The following CLBA1 variants were observed in gnomAD, a reference collection of about 807,000 sequenced individuals.
The protein encoded by CLBA1 is uncharacterized protein CLBA1.
Under a neutral mutation model 28.8 loss-of-function variants are expected in CLBA1, and 30 were observed. The observed-to-expected ratio is 1.04, with a 90% CI of 0.78 to 1.41. CLBA1 has a LOEUF of 1.41. Ranked by LOEUF, CLBA1 falls within the 40% of genes most tolerant of loss-of-function variation. The probability of loss-of-function intolerance (pLI) is 0.00; values close to 1 mark genes in which losing one functional copy is unlikely to be tolerated. For missense variants in CLBA1, 451 were observed against 412.3 expected, an observed-to-expected ratio of 1.09 and a Z score of -0.81; for synonymous variants, 160 against 152.8, an observed-to-expected ratio of 1.05 and a Z score of -0.35.
At chr14:104,999,862 TAA>T (rs1900233236), downstream of CLBA1, among the ~76,000 whole-genome samples, 1 of 152,126 alleles carries the variant, frequency 6.6e-6, no homozygotes, top group African/African-American at 2.4e-5. Flanking sequence ...CAAAACCACC[TAA>T]GATTTCATGT....
chr14:104,997,030 G>A (rs531116651), downstream of CLBA1, among the ~76,000 whole-genome samples: 21 of 152,328 alleles, frequency 1.4e-4, no homozygotes, highest in African/African-American at 1.2e-4. Flanking sequence ...GCAAGAAAAC[G>A]TGAGCCACAG....
chr14:104,989,719 C>T (rs990455480), intron 2 of CLBA1: 22 of 455,866 alleles, frequency 4.8e-5, no homozygotes, highest in African/African-American at 4.2e-4. Flanking sequence ...TAAGTTGGCC[C>T]AAGGCCCCAG....
In CLBA1 at chr14:104,994,867, A is replaced by T. The variant is rs985972104; in HGVS notation, c.*108A>T. The T allele has an allele frequency of 6.1e-6, 9 of 1,473,154 alleles. No individual in the cohort carries two copies. In the South Asian group the frequency reaches 8.4e-5, roughly 14 times the overall value. 91.3% of individuals were successfully genotyped at this position (1,473,154 alleles called of 1,614,324 possible). A position where few individuals can be genotyped will look rare whatever the true frequency, so the allele number is the denominator to read the frequency against. On this transcript the variant is annotated 3_prime_UTR_variant, in exon 5 of 5. Transcript: ENST00000547315. The stretch of plus-strand genomic sequence containing the variant: ...GAGCTGTTTTCCAGACCCCAGGCCC[A>T]TTCCTGGGATCTCTCCAACAGGACC...
In CLBA1 at chr14:104,987,606, C is replaced by CTTTTTTTTT. The variant is rs869117577; in HGVS notation, c.423+775_423+783dup. ...GGCTGGCCTGTTTTCTCTTCCTTTT[C>CTTTTTTTTT]TTTTTTTTTTTTTTTTTTTTTTTTT... On this transcript the variant is annotated intron_variant, in intron 1 of 4. Coordinates refer to ENST00000547315, the MANE Select transcript of CLBA1 (RefSeq NM_174891.4). Among the ~76,000 whole-genome samples the CTTTTTTTTT allele has an allele frequency of 2.7e-3, 165 of 60,014 alleles. 15 individuals are homozygous for CTTTTTTTTT. The highest frequency in any genetic ancestry group is 7.3e-3 in the South Asian group (8 of 1,098). 39.4% of individuals were successfully genotyped at this position (60,014 alleles called of 152,430 possible).
downstream of CLBA1, among the ~76,000 whole-genome samples, chr14:105,000,072 GA>G: frequency 6.6e-6 from 1 of 152,244 alleles, no homozygotes; most frequent in South Asian, 2.1e-4. Flanking sequence ...AGACAACTTC[GA>G]ATAACACACA....
chr14:104,987,657 G>A (rs1209254245), intron 1 of CLBA1, among the ~76,000 whole-genome samples: 1 of 111,646 alleles, frequency 9.0e-6, no homozygotes, highest in Non-Finnish European at 1.6e-5. Context: ...TCACTCTGTC[G>A]CTGAGGCTGG....
chr14:104,991,265 C>A, intron 2 of CLBA1: 1 of 396,894 alleles, frequency 2.5e-6, no homozygotes, highest in South Asian at 2.3e-5. Flanking sequence ...ACCTCCTGAT[C>A]TGTCAGCCTC....
chr14:104,985,884 T>TGCGGGGCCCGGGCACGGGCCCAGGACAC lies in CLBA1; in HGVS notation c.-542_-541insCCCGGGCACGGGCCCAGGACACGCGGGG. On this transcript the variant is annotated 5_prime_UTR_variant, in exon 1 of 5. Coordinates refer to ENST00000547315, the MANE Select transcript of CLBA1 (RefSeq NM_174891.4). ...CCGCCGAGGCGGCGACCAAGGTGGGTGCGGGGACTCTCGGGAGCCGTGGGC... is the reference window on the plus strand; with the variant it reads ...CCGCCGAGGCGGCGACCAAGGTGGGTGCGGGGCCCGGGCACGGGCCCAGGACACGCGGGGACTCTCGGGAGCCGTGGGC... 1 of 223,078 alleles carries TGCGGGGCCCGGGCACGGGCCCAGGACAC rather than the reference T, an allele frequency of 4.5e-6. No homozygotes were observed. The highest frequency in any genetic ancestry group is 9.5e-6 in the Non-Finnish European group (1 of 105,458). 13.8% of individuals were successfully genotyped at this position (223,078 alleles called of 1,614,324 possible).
rs762855794 is a variant in CLBA1, at chr14:104,986,389, G to A, written c.-43G>A. The A allele has an allele frequency of 5.0e-6, 8 of 1,591,676 alleles. No individual in the cohort carries two copies. In the African/African-American group the frequency reaches 9.4e-5, roughly 19 times the overall value. ...CAGCACCCCGGCGTGCATGTCTCCTGAGCAGCTGCCCATCGGGCCTCTGCT... is the reference window on the plus strand; with the variant it reads ...CAGCACCCCGGCGTGCATGTCTCCTAAGCAGCTGCCCATCGGGCCTCTGCT... On this transcript the variant is annotated 5_prime_UTR_variant, in exon 1 of 5. Transcript: ENST00000547315.
At chr14:104,991,388 G>T in intron 2 of CLBA1, 103 bp from the exon 3 acceptor site, 254 of 1,401,646 alleles carry the variant, frequency 1.8e-4, no homozygotes, top group Admixed American at 1.1e-3. Context: ...GTCTCGGCTT[G>T]CGGGTAAAGG....
rs528731765 is a variant in CLBA1, at chr14:104,991,511, G to A, written c.590G>A (p.Trp197Ter). The part of the protein sequence containing the change: ...HKLCNESRKL[W>*]RALQSIHTTS... ...TCCAGTAACGAATCCAGAAAACTCT[G>A]GAGAGCCCTTCAGAGCATACACACC... Residue 197 changes from tryptophan (W) to a stop codon, truncating the protein, a stop_gained, in exon 3 of 5, where the codon TGG becomes TAG. Transcript: ENST00000547315. LOFTEE classifies it high-confidence loss of function. 20 of 1,614,010 alleles carry A rather than the reference G, an allele frequency of 1.2e-5. No homozygotes were observed. The South Asian group carries it at 2.2e-4, about 18-fold the overall frequency.
chr14:104,995,759 A>T (rs1900146112), downstream of CLBA1, among the ~76,000 whole-genome samples: 2 of 152,240 alleles, frequency 1.3e-5, no homozygotes, highest in African/African-American at 4.8e-5. Flanking sequence ...TCGGCCACCC[A>T]GCTGCATAGC....
At position 104,993,861 on chromosome 14, in the gene CLBA1, G is replaced by C. The variant is rs1189496685; in HGVS notation, c.817-737G>C. 5 of 985,464 alleles carry C rather than the reference G, an allele frequency of 5.1e-6. No individual in the cohort carries two copies. In the Admixed American group the frequency reaches 2.5e-4, roughly 48 times the overall value. 61.0% of individuals were successfully genotyped at this position (985,464 alleles called of 1,614,324 possible). A position where few individuals can be genotyped will look rare whatever the true frequency, so the allele number is the denominator to read the frequency against. ...AAGAGTGACATGCAGGGAGGCGCAG[G>C]GGTAAAGTACTGCCCTGTGGCCTGG... is the stretch of plus-strand genomic sequence containing the variant. On this transcript the variant is annotated intron_variant, in intron 4 of 4. Coordinates refer to ENST00000547315, the MANE Select transcript of CLBA1 (RefSeq NM_174891.4).
At position 104,986,949 on chromosome 14, in the gene CLBA1, G is replaced by T. The variant is rs192634334; in HGVS notation, c.423+95G>T. 3.5e-5 allele frequency: 50 copies of T among 1,420,078 alleles called. No individual in the cohort carries two copies. The African/African-American group carries it at 6.7e-4, about 19-fold the overall frequency. The allele number at this position is 1,420,078 out of a possible 1,614,324, so 88.0% of individuals were successfully genotyped here. A position where few individuals can be genotyped will look rare whatever the true frequency, so the allele number is the denominator to read the frequency against. ...AATGCTGTGGCGTGCTGGCCAGGGAGGGGGCTGACAGCCCCAGAGCGTCTG... is the reference window on the plus strand; with the variant it reads ...AATGCTGTGGCGTGCTGGCCAGGGATGGGGCTGACAGCCCCAGAGCGTCTG... On this transcript the variant is annotated intron_variant, in intron 1 of 4. Coordinates refer to ENST00000547315, the MANE Select transcript of CLBA1 (RefSeq NM_174891.4).
chr14:105,001,200 CAA>C (rs970802000), intron 2 of CLBA1, among the ~76,000 whole-genome samples: 4 of 152,248 alleles, frequency 2.6e-5, no homozygotes, highest in Admixed American at 1.3e-4. Flanking sequence ...ACGTGGAACC[CAA>C]AAAGTCAAAC....
downstream of CLBA1, among the ~76,000 whole-genome samples, chr14:105,000,335 A>G (rs1470432480): frequency 6.6e-6 from 1 of 150,950 alleles, no homozygotes; most frequent in Non-Finnish European, 1.5e-5. Context: ...GCAATGGTGC[A>G]ATGTTAGCTC....
intron 1 of CLBA1, 73 bp downstream of exon 1, chr14:104,986,927 G>T: frequency 6.6e-7 from 1 of 1,511,842 alleles, no homozygotes. Context: ...GCCCTCGAAT[G>T]CTGTGGCGTG....
At chr14:104,988,485 G>A (rs190437074) in intron 1 of CLBA1, among the ~76,000 whole-genome samples, 2 of 152,064 alleles carry the variant, frequency 1.3e-5, no homozygotes, top group East Asian at 3.9e-4. Context: ...GATTATAGGC[G>A]TGTACCACCA....
At chr14:104,999,189 T>C, downstream of CLBA1, 1 of 984,574 alleles carries the variant, frequency 1.0e-6, no homozygotes. Flanking sequence ...ACTTCTTGAA[T>C]GTGTAAATCT....
Sources: allele counts gnomAD v4.1 joint callset (sites outside exome capture counted in the v4.1 genomes callset), GRCh38; gene constraint gnomAD v4.1.1; transcripts MANE v1.5; gene names NCBI Gene and HGNC (gene_info 2026-07-23, HGNC 2026-07-21).